The following NCOA2 variants were observed in gnomAD, a reference collection of about 807,000 sequenced individuals.
The protein encoded by NCOA2 is class E basic helix-loop-helix protein 75.
NCOA2 carries 21 observed loss-of-function variants against 145.1 expected under a neutral mutation model. The ratio of observed to expected loss-of-function variants is 0.14; its 90% CI spans 0.10 to 0.21. The LOEUF (loss-of-function observed/expected upper bound fraction) is 0.21, where lower values mean the gene tolerates loss of function less well. Ranked by LOEUF, NCOA2 falls within the 10% of genes least tolerant of loss-of-function variation. The pLI, the probability that NCOA2 is intolerant of heterozygous loss-of-function variation, is 1.00. For synonymous variants in NCOA2, 619 were observed against 637.5 expected (o/e 0.97, Z 0.44); for missense variants, 1,472 against 1,837.6 (o/e 0.80, Z 3.64).
At chr8:70,144,506 T>C (rs770208871) in intron 13 of NCOA2, 136 bp downstream of exon 13, 2 of 724,636 alleles carry the variant, frequency 2.8e-6, no homozygotes, top group Non-Finnish European at 4.6e-6. Flanking sequence ...TGAAAATCTG[T>C]AGAATTTTCT....
chr8:70,434,093 A>G, the NCOA2 span, among the ~76,000 whole-genome samples: 2 of 152,344 alleles, frequency 1.3e-5, no homozygotes, highest in East Asian at 1.9e-4. Context: ...TAATGAATAA[A>G]TAAATAACCA....
At chr8:70,363,079 T>TAAAACAAA (rs1387666196) in intron 1 of NCOA2, among the ~76,000 whole-genome samples, 34 of 99,786 alleles carry the variant, frequency 3.4e-4, no homozygotes, top group Admixed American at 4.3e-4. Flanking sequence ...ACTCTGTCTT[T>TAAAACAAA]AAAAAAAAAA....
rs901304696 is a variant in NCOA2, at chr8:70,113,428, G to A, written c.*204C>T. On this transcript the variant is annotated 3_prime_UTR_variant, in exon 23 of 23. Transcript: ENST00000452400. ...AGACTGAGCGACTGTCTGGATGCGA[G>A]CTTCAGACTGTCAAGAGAAGAGGCA... 1.2e-5 allele frequency: 7 copies of A among 604,656 alleles called. No individual in the cohort carries two copies. Among genetic ancestry groups the A allele is most frequent in the Non-Finnish European group, 1.5e-5 (5 of 338,870 alleles). The allele number at this position is 604,656 out of a possible 1,614,324, so 37.5% of individuals were successfully genotyped here.
At chr8:70,134,345 A>G (rs1563500686) in intron 15 of NCOA2, among the ~76,000 whole-genome samples, 1 of 152,252 alleles carries the variant, frequency 6.6e-6, no homozygotes, top group African/African-American at 2.4e-5. Flanking sequence ...GTTCCATGAA[A>G]GAGTTCAAGT....
chr8:70,172,802 T>C (rs545255717), intron 5 of NCOA2, among the ~76,000 whole-genome samples: 5 of 152,352 alleles, frequency 3.3e-5, no homozygotes, highest in African/African-American at 1.2e-4. Flanking sequence ...GTAAAAAGAC[T>C]GACTTGAGGT....
intron 2 of NCOA2, among the ~76,000 whole-genome samples, chr8:70,228,232 G>A (rs1820839371): frequency 6.6e-6 from 1 of 152,162 alleles, no homozygotes; most frequent in East Asian, 1.9e-4. Context: ...GTAAGATCAC[G>A]ATTTATATTT....
chr8:70,428,866 T>TA, the NCOA2 span, among the ~76,000 whole-genome samples: 143,314 of 147,384 alleles, frequency 0.97, 69,751 homozygotes, highest in South Asian at 1. Flanking sequence ...GCTAATTTGC[T>TA]AAAAAAAAAA....
the NCOA2 span, among the ~76,000 whole-genome samples, chr8:70,447,094 T>C: frequency 0.023 from 3,463 of 152,344 alleles, 121 homozygotes; most frequent in Admixed American, 0.099. Flanking sequence ...CAAAGATACA[T>C]ATGAATGAAT....
the NCOA2 span, among the ~76,000 whole-genome samples, chr8:70,423,344 T>C: frequency 6.6e-6 from 1 of 152,120 alleles, no homozygotes; most frequent in Non-Finnish European, 1.5e-5. Flanking sequence ...CCACCATGCC[T>C]GGCTAATTTT....
At chr8:70,226,177 C>T (rs535266658) in intron 2 of NCOA2, among the ~76,000 whole-genome samples, 3 of 151,988 alleles carry the variant, frequency 2.0e-5, no homozygotes, top group African/African-American at 4.8e-5. Flanking sequence ...ATGGGCATTA[C>T]GGATGTAATT....
chr8:70,370,316 C>T (rs955626187), intron 1 of NCOA2, among the ~76,000 whole-genome samples: 1 of 152,158 alleles, frequency 6.6e-6, no homozygotes, highest in Non-Finnish European at 1.5e-5. Flanking sequence ...TATTTCCCAC[C>T]TATATGAGAA....
At chr8:70,185,013 G>GC (rs1815900981) in intron 4 of NCOA2, among the ~76,000 whole-genome samples, 1 of 152,098 alleles carries the variant, frequency 6.6e-6, no homozygotes, top group South Asian at 2.1e-4. Flanking sequence ...AGACCTGCTT[G>GC]CATTTCTCTC....
rs774576238 is a variant in NCOA2 at position 70,335,155 on chromosome 8, A to AAAAAAAT, written c.-76-38356_-76-38355insATTTTTT. 6.9e-5 allele frequency among the ~76,000 whole-genome samples: 8 copies of AAAAAAAT among 115,386 alleles called. 1 individual carries two copies. Among genetic ancestry groups the AAAAAAAT allele is most frequent in the East Asian group, 5.5e-4 (2 of 3,664 alleles). 75.7% of individuals were successfully genotyped at this position (115,386 alleles called of 152,430 possible). Reference sequence around the variant, plus strand: ...AAAAAAAAAAAAAAAAAAAAAAAAGATCTCTCCCTATGACCATTTTCTCAG... The same window carrying AAAAAAAT: ...AAAAAAAAAAAAAAAAAAAAAAAAGAAAAAAATTCTCTCCCTATGACCATTTTCTCAG... On this transcript the variant is annotated intron_variant, in intron 1 of 22. Transcript: ENST00000452400.
intron 2 of NCOA2, among the ~76,000 whole-genome samples, chr8:70,248,068 G>A (rs1822776224): frequency 6.6e-6 from 1 of 152,192 alleles, no homozygotes; most frequent in East Asian, 1.9e-4. Context: ...GTGTTTACAA[G>A]GGAATTAGAC....
Position 70,170,094 on chromosome 8 carries a change from TG to T in NCOA2, c.541+107del. 8.5e-6 allele frequency: 9 copies of T among 1,058,708 alleles called. No homozygotes were observed. In the South Asian group the frequency reaches 1.4e-4, roughly 17 times the overall value. 65.6% of individuals were successfully genotyped at this position (1,058,708 alleles called of 1,614,324 possible). ...CTACCCAGTCACTCTCCTCCCCATC[TG>T]ATATAATATAGTTTTATTTGATCCA... is the stretch of plus-strand genomic sequence containing the variant. On this transcript the variant is annotated intron_variant, in intron 6 of 22. Coordinates refer to ENST00000452400, the MANE Select transcript of NCOA2 (RefSeq NM_006540.4).
At chr8:70,253,870 T>C (rs953503855) in intron 2 of NCOA2, among the ~76,000 whole-genome samples, 1 of 152,068 alleles carries the variant, frequency 6.6e-6, no homozygotes, top group African/African-American at 2.4e-5. Context: ...ACCAAAAGCA[T>C]GGGCAATAAA....
Position 70,276,250 on chromosome 8 carries a change from A to G in NCOA2, c.-20+20494T>C, listed in dbSNP as rs116894687. On this transcript the variant is annotated intron_variant, in intron 2 of 22. Transcript: ENST00000452400. Reference sequence around the variant, plus strand: ...GGACCCATAACAGCACTGCAATTAAAAAGATAAGGAAAGGAAATTCTCAGG... The same window carrying G: ...GGACCCATAACAGCACTGCAATTAAGAAGATAAGGAAAGGAAATTCTCAGG... Among the ~76,000 whole-genome samples the G allele has an allele frequency of 3.3e-3, 499 of 152,336 alleles. 10 individuals carry two copies. The East Asian group carries it at 0.04, about 12-fold the overall frequency.
chr8:70,386,908 T>C (rs1175341289), intron 1 of NCOA2, among the ~76,000 whole-genome samples: 1 of 151,480 alleles, frequency 6.6e-6, no homozygotes, highest in African/African-American at 2.5e-5. Flanking sequence ...CCTTTTTTAA[T>C]ATTTTTAGTT....
At chr8:70,320,245 T>TA (rs965482524) in intron 1 of NCOA2, among the ~76,000 whole-genome samples, 89 of 151,962 alleles carry the variant, frequency 5.9e-4, no homozygotes, top group African/African-American at 1.5e-3. Context: ...CTGGGTCTGT[T>TA]AAAAAAAACA....
Sources: allele counts gnomAD v4.1 joint callset (sites outside exome capture counted in the v4.1 genomes callset), GRCh38; gene constraint gnomAD v4.1.1; transcripts MANE v1.5; gene names NCBI Gene and HGNC (gene_info 2026-07-23, HGNC 2026-07-21).